The following GLG1 variants were observed in gnomAD, a reference collection of about 807,000 sequenced individuals.
GLG1 encodes the protein golgi glycoprotein 1.
GLG1 carries 38 observed loss-of-function variants against 160.5 expected under a neutral mutation model. The observed-to-expected ratio is 0.24, with a 90% CI of 0.18 to 0.31. The LOEUF (loss-of-function observed/expected upper bound fraction) is 0.31, where lower values mean the gene tolerates loss of function less well. GLG1 is among the 10% of genes least tolerant of loss of function. The probability of loss-of-function intolerance (pLI) is 1.00; values close to 1 mark genes in which losing one functional copy is unlikely to be tolerated. For missense variants in GLG1, 1,373 were observed against 1,505.2 expected, an observed-to-expected ratio of 0.91 and a Z score of 1.45; for synonymous variants, 644 against 543.4, an observed-to-expected ratio of 1.19 and a Z score of -2.57.
chr16:74,587,558 A>G lies in GLG1; in HGVS notation c.438+19099T>C, dbSNP rs118117437. 2.2e-4 allele frequency among the ~76,000 whole-genome samples: 34 copies of G among 152,350 alleles called. No individual in the cohort carries two copies. In the East Asian group the frequency reaches 5.6e-3, roughly 25 times the overall value. ...AAGAAATGACAGACATGATGGAATT[A>G]GCACATGAGGACCTCAAACAGCTAT... is the stretch of plus-strand genomic sequence containing the variant. On this transcript the variant is annotated intron_variant, in intron 1 of 25. Coordinates refer to ENST00000422840, the MANE Select transcript of GLG1 (RefSeq NM_001145667.2).
chr16:74,449,594 C>T lies in GLG1; in HGVS notation c.*3573G>A, dbSNP rs2014206335. The T allele has an allele frequency of 6.6e-6, 1 of 152,156 alleles. No individual in the cohort carries two copies. Among genetic ancestry groups the T allele is most frequent in the Admixed American group, 6.5e-5 (1 of 15,276 alleles). 9.4% of individuals were successfully genotyped at this position (152,156 alleles called of 1,614,324 possible). ...AGCTGTCTCTTCACCAGGATGCATCCCCACCCTGGCCAGCTGAGTGACTCA... is the reference window on the plus strand; with the variant it reads ...AGCTGTCTCTTCACCAGGATGCATCTCCACCCTGGCCAGCTGAGTGACTCA... On this transcript the variant is annotated 3_prime_UTR_variant, in exon 26 of 26. Coordinates refer to ENST00000422840, the MANE Select transcript of GLG1 (RefSeq NM_001145667.2).
Position 74,504,747 on chromosome 16 carries a change from G to A in GLG1, c.559-1001C>T, listed in dbSNP as rs554575246. 2.6e-5 allele frequency among the ~76,000 whole-genome samples: 4 copies of A among 152,260 alleles called. No homozygotes were observed. In the South Asian group the frequency reaches 8.3e-4, roughly 32 times the overall value. On this transcript the variant is annotated intron_variant, in intron 3 of 25. Transcript: ENST00000422840. ...TCAGTGCAGTTTAGCAAGAAGTTTG[G>A]GAAGGGGAACCTAGTTTGGATGGTT...
chr16:74,509,015 T>C, intron 2 of GLG1, 90 bp from the exon 3 acceptor site: 1 of 655,702 alleles, frequency 1.5e-6, no homozygotes, highest in Middle Eastern at 3.9e-4. Context: ...AAAAGCCAAT[T>C]ATACAGAGTC....
In GLG1 at chr16:74,585,832, GT is replaced by G. The variant is rs748019650; in HGVS notation, c.438+20824del. ...AATCTCAACACTTTGGGAGGCCAAG[GT>G]GGGTAGACCACTTGAGGTCAGGAGT... On this transcript the variant is annotated intron_variant, in intron 1 of 25. Transcript: ENST00000422840. Among the ~76,000 whole-genome samples, 8 of 152,256 alleles carry G rather than the reference GT, an allele frequency of 5.3e-5. No homozygotes were observed. In the South Asian group the frequency reaches 8.3e-4, roughly 16 times the overall value.
chr16:74,470,418 C>T (rs1156403467), intron 15 of GLG1, among the ~76,000 whole-genome samples: 1 of 148,312 alleles, frequency 6.7e-6, no homozygotes, highest in Admixed American at 6.9e-5. Flanking sequence ...TCCATCCATC[C>T]TAAATAAAAA....
rs145971950 is a variant in GLG1, at chr16:74,565,427, C to T, written c.439-33274G>A. 7.2e-5 allele frequency among the ~76,000 whole-genome samples: 11 copies of T among 152,248 alleles called. No individual in the cohort carries two copies. The East Asian group carries it at 1.9e-3, about 27-fold the overall frequency. On this transcript the variant is annotated intron_variant, in intron 1 of 25. Coordinates refer to ENST00000422840, the MANE Select transcript of GLG1 (RefSeq NM_001145667.2). ...CCTTCTTACATATTTTAAGTTCGGGCCTAAAGATTTCTCAGTACATAGGGA... is the reference window on the plus strand; with the variant it reads ...CCTTCTTACATATTTTAAGTTCGGGTCTAAAGATTTCTCAGTACATAGGGA...
At chr16:74,521,816 C>A (rs2017173743) in intron 2 of GLG1, among the ~76,000 whole-genome samples, 1 of 152,132 alleles carries the variant, frequency 6.6e-6, no homozygotes, top group African/African-American at 2.4e-5. Context: ...GCATTTTCTC[C>A]CCATGGCCGT....
At chr16:74,520,722 G>C (rs2017136836) in intron 2 of GLG1, among the ~76,000 whole-genome samples, 1 of 152,188 alleles carries the variant, frequency 6.6e-6, no homozygotes. Flanking sequence ...ATATTACTTT[G>C]ACTGGATATC....
At chr16:74,493,772 C>T (rs2016085892) in intron 6 of GLG1, among the ~76,000 whole-genome samples, 1 of 152,106 alleles carries the variant, frequency 6.6e-6, no homozygotes, top group Non-Finnish European at 1.5e-5. Context: ...AATTAAATAG[C>T]TAATTGCCTA....
At chr16:74,511,078 C>G (rs1400994213) in intron 2 of GLG1, among the ~76,000 whole-genome samples, 2 of 152,108 alleles carry the variant, frequency 1.3e-5, no homozygotes, top group Admixed American at 1.3e-4. Context: ...TCAAGCCAGG[C>G]CAGATCAGAA....
rs1040597854 is a variant in GLG1 at position 74,462,617 on chromosome 16, G to A, written c.2805C>T (p.Asn935=). ...CTTTACAGGCTTTTCTTAACATGGGGTTTAAGCGGTAATCTAGAGTAGAAA... is the reference window on the plus strand; with the variant it reads ...CTTTACAGGCTTTTCTTAACATGGGATTTAAGCGGTAATCTAGAGTAGAAA... ...QITQNTDYRL[N]PMLRKACKAD... is the part of the protein sequence containing the mutation. The change falls in exon 21 of 26, where the codon AAC becomes AAT. Residue 935 remains asparagine (N), a synonymous_variant. Coordinates refer to ENST00000422840, the MANE Select transcript of GLG1 (RefSeq NM_001145667.2). 6.2e-7 allele frequency: 1 copy of A among 1,614,074 alleles called. No homozygotes were observed. Among genetic ancestry groups the A allele is most frequent in the Non-Finnish European group, 8.5e-7 (1 of 1,179,910 alleles).
intron 1 of GLG1, among the ~76,000 whole-genome samples, chr16:74,551,865 A>G (rs1220152909): frequency 6.6e-6 from 1 of 151,432 alleles, no homozygotes; most frequent in Non-Finnish European, 1.5e-5. Context: ...CGTCTTCGCC[A>G]TTAGTCCAAG....
intron 1 of GLG1, among the ~76,000 whole-genome samples, chr16:74,569,697 A>G (rs1171508586): frequency 6.6e-6 from 1 of 152,052 alleles, no homozygotes; most frequent in African/African-American, 2.4e-5. Flanking sequence ...CCGCATCTCT[A>G]CTAAAAATAC....
chr16:74,487,111 G>A (rs1197363231), intron 8 of GLG1, among the ~76,000 whole-genome samples: 1 of 152,134 alleles, frequency 6.6e-6, no homozygotes, highest in African/African-American at 2.4e-5. Flanking sequence ...ATGAGGTTTC[G>A]CCACGTTGGC....
intron 4 of GLG1, among the ~76,000 whole-genome samples, chr16:74,502,354 G>C (rs1001359285): frequency 4.6e-5 from 7 of 152,114 alleles, no homozygotes; most frequent in African/African-American, 1.7e-4. Flanking sequence ...AGATATAACT[G>C]TGGAAGAAGA....
intron 8 of GLG1, among the ~76,000 whole-genome samples, chr16:74,488,283 T>A (rs1467171202): frequency 6.6e-6 from 1 of 152,114 alleles, no homozygotes; most frequent in Non-Finnish European, 1.5e-5. Context: ...GGCTCATGCC[T>A]GTAATCCCAG....
rs1359372610 is a variant in GLG1, at chr16:74,450,879, A to C, written c.*2288T>G. On this transcript the variant is annotated 3_prime_UTR_variant, in exon 26 of 26. Coordinates refer to ENST00000422840, the MANE Select transcript of GLG1 (RefSeq NM_001145667.2). ...AAAAAAAAAGACAGATGTTTCAAGA[A>C]CCAAATTCCTCATCAAACTTCCAAA... 1 of 152,114 alleles carries C rather than the reference A, an allele frequency of 6.6e-6. No homozygotes were observed. The highest frequency in any genetic ancestry group is 6.6e-5 in the Admixed American group (1 of 15,264). The allele number at this position is 152,114 out of a possible 1,614,324, so 9.4% of individuals were successfully genotyped here. A position where few individuals can be genotyped will look rare whatever the true frequency, so the allele number is the denominator to read the frequency against.
At chr16:74,590,756 C>G (rs574037458) in intron 1 of GLG1, among the ~76,000 whole-genome samples, 11 of 146,442 alleles carry the variant, frequency 7.5e-5, no homozygotes, top group Admixed American at 2.1e-4. Context: ...GTGATCACAC[C>G]ACTGTACTCC....
rs778490859 is a variant in GLG1 at position 74,456,639 on chromosome 16, T to C, written c.3372+10A>G. On this transcript the variant is annotated intron_variant, in intron 25 of 25. Transcript: ENST00000422840. ...GTTTTTTTAAAAAAGGAGATTCTCT[T>C]GGTCATTACCTTTGCTGCGTAACTC... 1.3e-6 allele frequency: 2 copies of C among 1,549,066 alleles called. No homozygotes were observed. The highest frequency in any genetic ancestry group is 1.1e-5 in the South Asian group (1 of 87,094).
Sources: allele counts gnomAD v4.1 joint callset (sites outside exome capture counted in the v4.1 genomes callset), GRCh38; gene constraint gnomAD v4.1.1; transcripts MANE v1.5; gene names NCBI Gene and HGNC (gene_info 2026-07-23, HGNC 2026-07-21).